The following USP20 variants were observed in gnomAD, a reference collection of about 807,000 sequenced individuals.
USP20 encodes the protein ubiquitin specific peptidase 20, also known as ubiquitin carboxyl-terminal hydrolase 20.
Under a neutral mutation model 124.2 loss-of-function variants are expected in USP20, and 80 were observed. The observed-to-expected ratio is 0.64, with a 90% CI of 0.54 to 0.78. The LOEUF is 0.78. USP20 is among the 30% of genes least tolerant of loss of function. The pLI, the probability that USP20 is intolerant of heterozygous loss-of-function variation, is 0.00. For synonymous variants in USP20, 481 were observed against 512.3 expected, an observed-to-expected ratio of 0.94 and a Z score of 0.83; for missense variants, 1,043 against 1,244.4, an observed-to-expected ratio of 0.84 and a Z score of 2.44.
At chr9:129,880,395 C>T in intron 25 of USP20, 72 bp from the exon 26 acceptor site, 2 of 1,336,678 alleles carry the variant, frequency 1.5e-6, no homozygotes, top group East Asian at 2.5e-5. Flanking sequence ...TCCCTGAAAG[C>T]ACCTTCCTGG....
chr9:129,874,692 G>T lies in USP20; in HGVS notation c.1857G>T (p.Glu619Asp), dbSNP rs750477658. 1 of 1,613,976 alleles carries T rather than the reference G, an allele frequency of 6.2e-7. No individual in the cohort carries two copies. Among genetic ancestry groups the T allele is most frequent in the Non-Finnish European group, 8.5e-7 (1 of 1,180,016 alleles). ...GLDLRPFLAK[E>D]CTSQITTYDL... ...ACCTGCGCCCCTTCCTTGCCAAGGA[G>T]TGCACATCCCAGATCACCACCTACG... The change falls in exon 18 of 26, where the codon GAG becomes GAT. Residue 619 changes from glutamate to aspartate, a missense_variant. Coordinates refer to ENST00000372429, the MANE Select transcript of USP20 (RefSeq NM_001110303.4).
chr9:129,873,910 G>A (rs915261983), intron 17 of USP20, among the ~76,000 whole-genome samples, 166 bp downstream of exon 17: 3 of 152,172 alleles, frequency 2.0e-5, no homozygotes, highest in African/African-American at 7.2e-5. Context: ...GGTTGGCAGG[G>A]GGCACATTTT....
At position 129,845,752 on chromosome 9, in the gene USP20, GA is replaced by G. The variant is rs371647459; in HGVS notation, c.-128-4053del. The stretch of plus-strand genomic sequence containing the variant: ...GTCATTCAGGAAGCAAGTATAGGAA[GA>G]AAAAAAAGGCAACACAAGTTCATTG... On this transcript the variant is annotated intron_variant, in intron 1 of 25. Transcript: ENST00000372429. Among the ~76,000 whole-genome samples, 851 of 150,644 alleles carry G rather than the reference GA, an allele frequency of 5.6e-3. 13 individuals are homozygous for G. Among genetic ancestry groups the G allele is most frequent in the South Asian group, 0.048 (230 of 4,772 alleles).
Position 129,879,774 on chromosome 9 carries a change from C to A in USP20, c.2584+130C>A. ...GTCAGGCTGAGACGTCCACCTGAGT[C>A]CAGACCCAGGCGGCTGAGAGATGGC... On this transcript the variant is annotated intron_variant, in intron 24 of 25. Coordinates refer to ENST00000372429, the MANE Select transcript of USP20 (RefSeq NM_001110303.4). This position sits in a 1 kb window ranked among gnomAD's most constrained non-coding sequence, Gnocchi z 4.2. 1 of 1,087,658 alleles carries A rather than the reference C, an allele frequency of 9.2e-7. No homozygotes were observed. Among genetic ancestry groups the A allele is most frequent in the Non-Finnish European group, 1.3e-6 (1 of 743,634 alleles). The allele number at this position is 1,087,658 out of a possible 1,614,324, so 67.4% of individuals were successfully genotyped here. A position where few individuals can be genotyped will look rare whatever the true frequency, so the allele number is the denominator to read the frequency against.
At chr9:129,849,345 T>G (rs933413628) in intron 1 of USP20, among the ~76,000 whole-genome samples, 3 of 152,148 alleles carry the variant, frequency 2.0e-5, no homozygotes, top group Non-Finnish European at 2.9e-5. Flanking sequence ...GTGGTATTGC[T>G]CTCTGGCTGC....
rs781751076 is a variant in USP20 at position 129,873,750 on chromosome 9, C to T, written c.1740+6C>T. 18 of 1,611,556 alleles carry T rather than the reference C, an allele frequency of 1.1e-5. No homozygotes were observed. Among genetic ancestry groups the T allele is most frequent in the Non-Finnish European group, 3.4e-6 (4 of 1,179,978 alleles). ...AAGTCCTGCGGTTGCCCGAGGTGAG[C>T]CAGTGGCCTCGGCAGCCTCCTCCTC... On this transcript the variant is annotated splice_donor_region_variant and intron_variant, in intron 17 of 25. Transcript: ENST00000372429.
Position 129,857,991 on chromosome 9 carries a change from CTG to C in USP20, c.136-55_136-54del, listed in dbSNP as rs980273577. On this transcript the variant is annotated intron_variant, in intron 4 of 25. Coordinates refer to ENST00000372429, the MANE Select transcript of USP20 (RefSeq NM_001110303.4). ...TGACTTTGGGATGGAACCAGAGACA[CTG>C]TGTTGACACCATCCTTTTGGCAAGC... is the stretch of plus-strand genomic sequence containing the variant. 9.4e-6 allele frequency: 14 copies of C among 1,493,796 alleles called. No homozygotes were observed. The African/African-American group carries it at 1.9e-4, about 21-fold the overall frequency. The allele number at this position is 1,493,796 out of a possible 1,614,324, so 92.5% of individuals were successfully genotyped here.
Position 129,856,349 on chromosome 9 carries a change from G to T in USP20, c.124G>T (p.Ala42Ser). The T allele has an allele frequency of 6.2e-7, 1 of 1,614,178 alleles. No homozygotes were observed. Among genetic ancestry groups the T allele is most frequent in the Non-Finnish European group, 8.5e-7 (1 of 1,180,026 alleles). The change falls in exon 4 of 26, where the codon GCC becomes TCC. Residue 42 changes from alanine (A) to serine (S), a missense_variant. Transcript: ENST00000372429. ...TGGGGTCACCGGACCAAACCTATGG[G>T]CCTGTCTGCAGGTAAAAGACCCTTG... is the stretch of plus-strand genomic sequence containing the variant. ...SCGVTGPNLW[A>S]CLQVACPYVG...
At position 129,874,425 on chromosome 9, in the gene USP20, G is replaced by T; in HGVS notation, c.1741-151G>T. 6.1e-6 allele frequency: 6 copies of T among 989,636 alleles called. No homozygotes were observed. In the South Asian group the frequency reaches 8.0e-5, roughly 13 times the overall value. 61.3% of individuals were successfully genotyped at this position (989,636 alleles called of 1,614,324 possible). Reference sequence around the variant, plus strand: ...GGGAGTGATCTGTGTGACTTAGAGCGAGCCCAGTCTGGCCCCCACGTGGAA... The same window carrying T: ...GGGAGTGATCTGTGTGACTTAGAGCTAGCCCAGTCTGGCCCCCACGTGGAA... On this transcript the variant is annotated intron_variant, in intron 17 of 25. Coordinates refer to ENST00000372429, the MANE Select transcript of USP20 (RefSeq NM_001110303.4).
intron 13 of USP20, 39 bp downstream of exon 13, chr9:129,869,464 C>T (rs781511625): frequency 1.3e-6 from 2 of 1,597,780 alleles, no homozygotes; most frequent in South Asian, 2.2e-5. Flanking sequence ...GGCCAGGCTG[C>T]CAGTGGCCTC....
intron 3 of USP20, among the ~76,000 whole-genome samples, 182 bp downstream of exon 3, chr9:129,852,818 C>T (rs2032999272): frequency 6.6e-6 from 1 of 152,130 alleles, no homozygotes; most frequent in Admixed American, 6.5e-5. Context: ...GTCCTAATAG[C>T]CATTAATTAT....
At chr9:129,854,691 C>T (rs1325320464) in intron 3 of USP20, among the ~76,000 whole-genome samples, 1 of 151,974 alleles carries the variant, frequency 6.6e-6, no homozygotes, top group Non-Finnish European at 1.5e-5. Context: ...GTCAAAAAAT[C>T]ATGAGAGAGA....
chr9:129,855,300 G>A (rs1255122990), intron 3 of USP20, among the ~76,000 whole-genome samples: 1 of 152,100 alleles, frequency 6.6e-6, no homozygotes, highest in Non-Finnish European at 1.5e-5. Flanking sequence ...GCGAGGTGGT[G>A]GGTGCCTGTA....
chr9:129,867,941 G>A (rs2033899994), intron 10 of USP20, 64 bp from the exon 11 acceptor site: 9 of 1,538,988 alleles, frequency 5.8e-6, no homozygotes, highest in Admixed American at 1.9e-5. Flanking sequence ...ATCAGCCACA[G>A]GGCGCTGGAG....
chr9:129,842,572 T>C (rs1411675340), intron 1 of USP20, among the ~76,000 whole-genome samples: 1 of 151,800 alleles, frequency 6.6e-6, no homozygotes, highest in Non-Finnish European at 1.5e-5. Flanking sequence ...ATGCTTCCGA[T>C]ATTTTAGGTC....
chr9:129,870,969 T>C lies in USP20; in HGVS notation c.1660+422T>C, dbSNP rs183851254. On this transcript the variant is annotated intron_variant, in intron 15 of 25. Coordinates refer to ENST00000372429, the MANE Select transcript of USP20 (RefSeq NM_001110303.4). ...CTAAACCTTTGGGAAAACTCTCTCT[T>C]TTTTTTTTATTTCCAATTTTCAATT... 4.6e-5 allele frequency among the ~76,000 whole-genome samples: 7 copies of C among 151,024 alleles called. No homozygotes were observed. In the East Asian group the frequency reaches 1.4e-3, roughly 29 times the overall value.
intron 1 of USP20, among the ~76,000 whole-genome samples, chr9:129,838,835 C>T (rs757967829): frequency 6.6e-6 from 1 of 152,188 alleles, no homozygotes; most frequent in Non-Finnish European, 1.5e-5. Flanking sequence ...TGGCTGCAGC[C>T]TAGGGTAGCC....
rs373818401 is a variant in USP20 at position 129,860,986 on chromosome 9, C to T, written c.380C>T (p.Ala127Val). Residue 127 changes from alanine to valine, a missense_variant, in exon 7 of 26, where the codon GCT (alanine) becomes GTT (valine). Coordinates refer to ENST00000372429, the MANE Select transcript of USP20 (RefSeq NM_001110303.4). ...HPLKAVPIAV[A>V]DEGESESEDD... ...CTGAAAGCTGTTCCTATTGCTGTGGCTGATGAAGGAGAGTCTGAGTCAGAG... is the reference window on the plus strand; with the variant it reads ...CTGAAAGCTGTTCCTATTGCTGTGGTTGATGAAGGAGAGTCTGAGTCAGAG... The T allele has an allele frequency of 6.3e-7, 1 of 1,589,372 alleles. No individual in the cohort carries two copies. Among genetic ancestry groups the T allele is most frequent in the African/African-American group, 1.3e-5 (1 of 74,270 alleles).
intron 1 of USP20, 33 bp downstream of exon 1, chr9:129,835,532 G>C: frequency 3.9e-6 from 1 of 259,302 alleles, no homozygotes; most frequent in Non-Finnish European, 7.3e-6. Context: ...CTGCTTCTGT[G>C]GGCCGGGCCT....
Sources: gnomAD v4.1 joint callset for allele counts (sites outside exome capture counted in the v4.1 genomes callset) on GRCh38, gnomAD v4.1.1 for gene constraint, Gnocchi (gnomAD v3.1) non-coding constraint, MANE v1.5 for transcripts, NCBI Gene and HGNC (gene_info 2026-07-23, HGNC 2026-07-21) for gene names.